CPED1: variants seen among roughly 807,000 people sequenced by gnomAD.
CPED1 encodes the protein cadherin-like and PC-esterase domain-containing protein 1.
Under a neutral mutation model 128.2 loss-of-function variants are expected in CPED1, and 114 were observed. The observed-to-expected ratio is 0.89, with a 90% CI of 0.76 to 1.04. The LOEUF (loss-of-function observed/expected upper bound fraction) is 1.04, where lower values mean the gene tolerates loss of function less well. Ranked by LOEUF, CPED1 falls within the 50% of genes least tolerant of loss-of-function variation. The pLI, the probability that CPED1 is intolerant of heterozygous loss-of-function variation, is 0.00. For missense variants in CPED1, 1,211 were observed against 1,207.1 expected (o/e 1.00, Z -0.05); for synonymous variants, 462 against 426.7 (o/e 1.08, Z -1.02).
intron 3 of CPED1, among the ~76,000 whole-genome samples, chr7:121,041,692 A>C (rs1204437193): frequency 6.6e-6 from 1 of 152,134 alleles, no homozygotes; most frequent in Admixed American, 6.6e-5. Flanking sequence ...AGGCAGCTTC[A>C]CTCCTTAGGG....
At chr7:121,111,415 T>C (rs1405680106) in intron 7 of CPED1, among the ~76,000 whole-genome samples, 1 of 152,186 alleles carries the variant, frequency 6.6e-6, no homozygotes, top group African/African-American at 2.4e-5. Context: ...CAGGTACCCA[T>C]TGCTATAAAA....
chr7:121,270,889 G>GT (rs1422202696), intron 21 of CPED1, among the ~76,000 whole-genome samples: 1 of 151,976 alleles, frequency 6.6e-6, no homozygotes, highest in African/African-American at 2.4e-5. Flanking sequence ...TTTTAGAATA[G>GT]TTTTTTCTAA....
At position 121,140,863 on chromosome 7, in the gene CPED1, C is replaced by A. The variant is rs1367633149; in HGVS notation, c.1736C>A (p.Thr579Lys). 6.2e-7 allele frequency: 1 copy of A among 1,612,388 alleles called. No individual in the cohort carries two copies. Among genetic ancestry groups the A allele is most frequent in the Non-Finnish European group, 8.5e-7 (1 of 1,179,058 alleles). The change falls in exon 15 of 23, where the codon ACA becomes AAA. Residue 579 changes from threonine to lysine, a missense_variant. Physicochemically the swap from Thr to Lys is moderately conservative, Grantham distance 78. Coordinates refer to ENST00000310396, the MANE Select transcript of CPED1 (RefSeq NM_024913.5). ...CCATGTCATATCAAGCAGATCTTCA[C>A]ACATCCACATTTGGAACTAAATCCT... is the stretch of plus-strand genomic sequence containing the variant. ...NTPCHIKQIF[T>K]HPHLELNPDF...
At chr7:121,043,655 C>A (rs936003470) in intron 3 of CPED1, among the ~76,000 whole-genome samples, 1 of 152,006 alleles carries the variant, frequency 6.6e-6, no homozygotes, top group Middle Eastern at 3.2e-3. Flanking sequence ...GAGTTAGGGC[C>A]AGGTGTGGGG....
At chr7:121,215,014 T>C (rs1322595046) in intron 16 of CPED1, among the ~76,000 whole-genome samples, 2 of 152,092 alleles carry the variant, frequency 1.3e-5, no homozygotes, top group Non-Finnish European at 2.9e-5. Context: ...TGCATACACT[T>C]AAACTTGCAT....
At chr7:121,149,258 C>T (rs765022527) in intron 16 of CPED1, among the ~76,000 whole-genome samples, 13 of 147,280 alleles carry the variant, frequency 8.8e-5, no homozygotes, top group Non-Finnish European at 1.7e-4. Flanking sequence ...ATAGACCTCC[C>T]CAGTGGCCAG....
chr7:121,269,948 G>C (rs1088708), intron 21 of CPED1, among the ~76,000 whole-genome samples: 2,811 of 152,190 alleles, frequency 0.018, 108 homozygotes, highest in African/African-American at 0.064. Flanking sequence ...CATGACAGAA[G>C]GCTAAGGGAG....
intron 11 of CPED1, among the ~76,000 whole-genome samples, chr7:121,129,315 A>G (rs1348051491): frequency 1.4e-4 from 13 of 95,868 alleles, no homozygotes; most frequent in African/African-American, 5.7e-4. Flanking sequence ...ATATATACGT[A>G]TATATATATA....
intron 16 of CPED1, among the ~76,000 whole-genome samples, chr7:121,153,145 C>T (rs770470643): frequency 2.6e-5 from 4 of 152,018 alleles, no homozygotes; most frequent in Non-Finnish European, 5.9e-5. Flanking sequence ...AAATTAGTAG[C>T]AAAGGATAAA....
intron 4 of CPED1, among the ~76,000 whole-genome samples, chr7:121,061,916 T>G (rs1246475525): frequency 1.3e-5 from 2 of 152,244 alleles, no homozygotes; most frequent in African/African-American, 2.4e-5. Flanking sequence ...TTTACTCAGT[T>G]TAACTGCTTA....
chr7:121,095,400 A>T (rs1563023440), intron 5 of CPED1, among the ~76,000 whole-genome samples: 4 of 152,172 alleles, frequency 2.6e-5, no homozygotes, highest in Admixed American at 2.6e-4. Context: ...GCTTTTAAAG[A>T]TATAAATGAA....
In CPED1 at chr7:121,272,393, T is replaced by A. The variant is rs147224850; in HGVS notation, c.2868+963T>A. On this transcript the variant is annotated intron_variant, in intron 22 of 22. Transcript: ENST00000310396. ...GTCTAGCATGCTACTTCTTTTTTTTTTGAGTGATTTTACGAATTGCCTTGG... is the reference window on the plus strand; with the variant it reads ...GTCTAGCATGCTACTTCTTTTTTTTATGAGTGATTTTACGAATTGCCTTGG... Among the ~76,000 whole-genome samples, 406 of 152,172 alleles carry A rather than the reference T, an allele frequency of 2.7e-3. 4 individuals carry two copies. Among genetic ancestry groups the A allele is most frequent in the African/African-American group, 9.4e-3 (392 of 41,520 alleles).
At chr7:121,238,103 T>C (rs1798301986) in intron 17 of CPED1, among the ~76,000 whole-genome samples, 1 of 152,178 alleles carries the variant, frequency 6.6e-6, no homozygotes, top group Non-Finnish European at 1.5e-5. Flanking sequence ...CAAGGTACAT[T>C]ACTGGGATTC....
chr7:121,116,007 A>G (rs945619228), intron 7 of CPED1, among the ~76,000 whole-genome samples: 2 of 152,198 alleles, frequency 1.3e-5, no homozygotes, highest in Non-Finnish European at 2.9e-5. Flanking sequence ...GGTTGAATAT[A>G]ATGCAATCAA....
chr7:121,142,081 T>C lies in CPED1; in HGVS notation c.1995T>C (p.Tyr665=). ...TGATCACGTACAAACTCACCATCTA[T>C]AGAGAAGACCGCCCAAGTCTGCCCT... ...ETLITYKLTI[Y]REDRPSLPLF... The change falls in exon 16 of 23, where the codon TAT becomes TAC. Residue 665 remains tyrosine (Y), a synonymous_variant. Transcript: ENST00000310396. The C allele has an allele frequency of 1.2e-6, 2 of 1,612,716 alleles. No individual in the cohort carries two copies. The highest frequency in any genetic ancestry group is 2.7e-5 in the African/African-American group (2 of 74,962).
At position 121,140,980 on chromosome 7, in the gene CPED1, G is replaced by A; in HGVS notation, c.1853G>A (p.Cys618Tyr). The part of the protein sequence containing the change: ...TIGVETPKCL[C>Y]KVHLYEQAGP... ...GGAGTGGAAACTCCTAAGTGTCTGT[G>A]CAAGGTGCACCTGTACGAGCAGGCA... The change falls in exon 15 of 23, where the codon TGC (cysteine) becomes TAC (tyrosine). Residue 618 changes from cysteine to tyrosine, a missense_variant. Transcript: ENST00000310396. 3 of 1,612,164 alleles carry A rather than the reference G, an allele frequency of 1.9e-6. No homozygotes were observed. Among genetic ancestry groups the A allele is most frequent in the Non-Finnish European group, 2.5e-6 (3 of 1,179,042 alleles).
intron 16 of CPED1, among the ~76,000 whole-genome samples, chr7:121,152,313 A>T (rs1796178608): frequency 6.6e-6 from 1 of 152,184 alleles, no homozygotes; most frequent in African/African-American, 2.4e-5. Context: ...TAAATATTGC[A>T]TGTGGGCTTC....
chr7:121,257,597 G>A (rs539195154), intron 18 of CPED1, among the ~76,000 whole-genome samples: 62 of 152,046 alleles, frequency 4.1e-4, no homozygotes, highest in African/African-American at 9.6e-4. Context: ...AGATAATTGC[G>A]TAAACATTCA....
intron 5 of CPED1, among the ~76,000 whole-genome samples, chr7:121,086,973 C>G (rs1168632634): frequency 6.6e-6 from 1 of 152,190 alleles, no homozygotes; most frequent in African/African-American, 2.4e-5. Context: ...GGAACCTAAC[C>G]CCAGCCATGA....
Sources: allele counts gnomAD v4.1 joint callset (sites outside exome capture counted in the v4.1 genomes callset), GRCh38; gene constraint gnomAD v4.1.1; transcripts MANE v1.5; gene names NCBI Gene and HGNC (gene_info 2026-07-23, HGNC 2026-07-21).